Variants in USP34 observed in about 807,000 individuals in gnomAD.
USP34 encodes the protein ubiquitin carboxyl-terminal hydrolase 34.
Under a neutral mutation model 460.3 loss-of-function variants are expected in USP34, and 70 were observed. That is an observed-to-expected ratio of 0.15 (90% CI 0.13 to 0.19). The LOEUF is 0.19. USP34 is among the 10% of genes least tolerant of loss of function. The pLI, the probability that USP34 is intolerant of heterozygous loss-of-function variation, is 1.00. For missense variants in USP34, 3,985 were observed against 4,236.2 expected (o/e 0.94, Z 1.65); for synonymous variants, 1,647 against 1,405.3 (o/e 1.17, Z -3.85).
intron 2 of USP34, among the ~76,000 whole-genome samples, chr2:61,410,435 T>C (rs1694003692): frequency 2.0e-5 from 3 of 152,180 alleles, no homozygotes; most frequent in South Asian, 4.1e-4. Flanking sequence ...TGGCTGTAAA[T>C]ACAGATGAAA....
chr2:61,391,365 C>T (rs1693339559), intron 5 of USP34, among the ~76,000 whole-genome samples: 1 of 152,008 alleles, frequency 6.6e-6, no homozygotes, highest in Non-Finnish European at 1.5e-5. Context: ...AGAAAATAAA[C>T]AGAATGGGAT....
rs555219311 is a variant in USP34, at chr2:61,347,954, A to G, written c.2201T>C (p.Ile734Thr). Residue 734 changes from isoleucine to threonine, a missense_variant, in exon 15 of 80, where the codon ATT becomes ACT. Coordinates refer to ENST00000398571, the MANE Select transcript of USP34 (RefSeq NM_014709.4). ...TCGACAATTAAATAATTCATTCCCA[A>G]TAGTCTCCCCAAGGAAGTCCCCAGT... ...TRTGDFLGET[I>T]GNELFNCRQF... The G allele has an allele frequency of 3.7e-6, 6 of 1,614,020 alleles. No homozygotes were observed. The highest frequency in any genetic ancestry group is 1.6e-4 in the Middle Eastern group (1 of 6,062).
intron 34 of USP34, among the ~76,000 whole-genome samples, chr2:61,287,676 T>C (rs1226448019): frequency 6.6e-6 from 1 of 152,192 alleles, no homozygotes; most frequent in African/African-American, 2.4e-5. Context: ...AACACTTTCT[T>C]TTCTCTAGCT....
At chr2:61,208,783 A>G in intron 70 of USP34, 116 bp downstream of exon 70, 1 of 599,320 alleles carries the variant, frequency 1.7e-6, no homozygotes, top group Non-Finnish European at 2.6e-6. Flanking sequence ...CTATATAATT[A>G]AAACCTTGCC....
intron 8 of USP34, among the ~76,000 whole-genome samples, chr2:61,377,287 G>A: frequency 6.6e-6 from 1 of 152,082 alleles, no homozygotes; most frequent in East Asian, 1.9e-4. Flanking sequence ...ACTAAAGTAT[G>A]ACTCACATGT....
chr2:61,218,813 G>T (rs946259132), intron 67 of USP34, among the ~76,000 whole-genome samples: 5 of 152,124 alleles, frequency 3.3e-5, no homozygotes, highest in African/African-American at 1.2e-4. Flanking sequence ...GAGATGAAGT[G>T]CCCTTTGCCA....
At position 61,295,180 on chromosome 2, in the gene USP34, C is replaced by G; in HGVS notation, c.4365G>C (p.Arg1455Ser). ...EALGKPNRRI[R>S]RESTGSYSDL... ...GAAATGCAATTACCGTAGACTCCCT[C>G]CTTATTCTTCTATTAGGTTTTCCCA... Residue 1455 changes from arginine to serine, a missense_variant, in exon 31 of 80, where the codon AGG becomes AGC. Arg to Ser is a moderately radical substitution (Grantham distance 110). Transcript: ENST00000398571. The G allele has an allele frequency of 6.2e-7, 1 of 1,610,482 alleles. No homozygotes were observed. Among genetic ancestry groups the G allele is most frequent in the Non-Finnish European group, 8.5e-7 (1 of 1,179,046 alleles).
chr2:61,402,500 C>T (rs4387777), intron 3 of USP34, among the ~76,000 whole-genome samples: 19,681 of 152,076 alleles, frequency 0.13, 1,516 homozygotes, highest in South Asian at 0.32. Context: ...GAGTAAGACC[C>T]GGATTCTAGG....
intron 3 of USP34, among the ~76,000 whole-genome samples, chr2:61,403,536 C>T (rs922405773): frequency 2.6e-5 from 4 of 152,094 alleles, no homozygotes; most frequent in Non-Finnish European, 5.9e-5. Context: ...AAAAAGATTA[C>T]TTTTTCAGAA....
intron 6 of USP34, among the ~76,000 whole-genome samples, chr2:61,380,890 G>A (rs1558560735): frequency 6.6e-6 from 1 of 152,158 alleles, no homozygotes; most frequent in Non-Finnish European, 1.5e-5. Flanking sequence ...ACATATATGA[G>A]ATTCCCGCTC....
At chr2:61,297,890 T>C (rs1028770546) in intron 29 of USP34, among the ~76,000 whole-genome samples, 2 of 152,126 alleles carry the variant, frequency 1.3e-5, no homozygotes, top group South Asian at 2.1e-4. Flanking sequence ...CAAGGTAAAT[T>C]TGGTCTTTCA....
chr2:61,242,308 T>C (rs1441365796), intron 51 of USP34, among the ~76,000 whole-genome samples: 1 of 152,130 alleles, frequency 6.6e-6, no homozygotes, highest in Non-Finnish European at 1.5e-5. Context: ...CAAACATAAT[T>C]TTGAACCTCA....
intron 1 of USP34, among the ~76,000 whole-genome samples, chr2:61,441,574 C>CGG: frequency 6.6e-6 from 1 of 152,086 alleles, no homozygotes; most frequent in Non-Finnish European, 1.5e-5. Flanking sequence ...AACTTCTGCT[C>CGG]GGCCACTCGG....
intron 1 of USP34, among the ~76,000 whole-genome samples, chr2:61,425,388 A>G (rs748019579): frequency 1.3e-5 from 2 of 152,034 alleles, no homozygotes; most frequent in Non-Finnish European, 2.9e-5. Context: ...AACTACGCAC[A>G]CTTCCTGTTC....
rs543561002 is a variant in USP34 at position 61,324,812 on chromosome 2, T to A, written c.3013+563A>T. ...AGGTCTTATAGAACTAAAAAAAAAT[T>A]TTTAATTTATTTAAAGTGCAAACAA... On this transcript the variant is annotated intron_variant, in intron 21 of 79. Transcript: ENST00000398571. Among the ~76,000 whole-genome samples, 3 of 152,154 alleles carry A rather than the reference T, an allele frequency of 2.0e-5. No homozygotes were observed. The South Asian group carries it at 6.2e-4, about 32-fold the overall frequency.
intron 10 of USP34, among the ~76,000 whole-genome samples, chr2:61,364,607 T>C (rs1692373547): frequency 6.6e-6 from 1 of 151,932 alleles, no homozygotes; most frequent in Admixed American, 6.6e-5. Flanking sequence ...AAAAGGAAAA[T>C]ACAAGAAAAA....
At chr2:61,388,435 A>G (rs1370121846) in intron 5 of USP34, among the ~76,000 whole-genome samples, 1 of 144,174 alleles carries the variant, frequency 6.9e-6, no homozygotes, top group Non-Finnish European at 1.5e-5. Flanking sequence ...ACTCGAGGGG[A>G]TGTGGGGGTA....
intron 33 of USP34, among the ~76,000 whole-genome samples, chr2:61,289,847 G>A (rs1401178462): frequency 6.6e-6 from 1 of 152,072 alleles, no homozygotes; most frequent in East Asian, 1.9e-4. Context: ...AAGCAGAGGA[G>A]AAAAGTCTTT....
chr2:61,402,388 T>C (rs894995612), intron 3 of USP34, among the ~76,000 whole-genome samples: 2 of 152,020 alleles, frequency 1.3e-5, no homozygotes, highest in Non-Finnish European at 2.9e-5. Flanking sequence ...ATGGGGACAA[T>C]AGGAAAGAGA....
Sources: gnomAD v4.1 joint callset for allele counts (sites outside exome capture counted in the v4.1 genomes callset) on GRCh38, gnomAD v4.1.1 for gene constraint, MANE v1.5 for transcripts, NCBI Gene and HGNC (gene_info 2026-07-23, HGNC 2026-07-21) for gene names.